The following A2ML1 variants were observed in gnomAD, a reference collection of about 807,000 sequenced individuals.
The protein encoded by A2ML1 is alpha-2-macroglobulin like 1.
A2ML1 carries 161 observed loss-of-function variants against 181.9 expected under a neutral mutation model. The ratio of observed to expected loss-of-function variants is 0.89; its 90% CI spans 0.78 to 1.01. A2ML1 has a LOEUF of 1.01. Among genes scored for constraint, A2ML1 ranks in the 50% least tolerant of loss-of-function variants. The pLI, the probability that A2ML1 is intolerant of heterozygous loss-of-function variation, is 0.00. For synonymous variants in A2ML1, 663 were observed against 666.8 expected (o/e 0.99, Z 0.09); for missense variants, 1,670 against 1,768.1 (o/e 0.94, Z 1.00).
rs1943552986 is a variant in A2ML1 at position 8,843,280 on chromosome 12, C to T, written c.1395C>T (p.Gly465=). 1 of 1,614,166 alleles carries T rather than the reference C, an allele frequency of 6.2e-7. No homozygotes were observed. The change falls in exon 12 of 36, where the codon GGC becomes GGT. Residue 465 remains glycine (G), a synonymous_variant. Coordinates refer to ENST00000299698, the MANE Select transcript of A2ML1 (RefSeq NM_144670.6). Reference sequence around the variant, plus strand: ...GGCTAAACGGCCCCTTGAAATGTGGCCAGCCCCAGGAAGTGCTGGTGGATT... The same window carrying T: ...GGCTAAACGGCCCCTTGAAATGTGGTCAGCCCCAGGAAGTGCTGGTGGATT... ...IHRLNGPLKC[G]QPQEVLVDYY...
At chr12:8,825,739 T>G in intron 3 of A2ML1, among the ~76,000 whole-genome samples, 1 of 81,158 alleles carries the variant, frequency 1.2e-5, no homozygotes, top group South Asian at 2.8e-4. Flanking sequence ...GGTATTAGAT[T>G]TAAATCTTTC....
Position 8,852,463 on chromosome 12 carries a change from C to A in A2ML1, c.2590+127C>A. 1 of 1,387,512 alleles carries A rather than the reference C, an allele frequency of 7.2e-7. No individual in the cohort carries two copies. The highest frequency in any genetic ancestry group is 9.9e-7 in the Non-Finnish European group (1 of 1,014,280). 86.0% of individuals were successfully genotyped at this position (1,387,512 alleles called of 1,614,324 possible). On this transcript the variant is annotated intron_variant, in intron 20 of 35. Transcript: ENST00000299698. The surrounding 1 kb of genome is among the most constrained non-coding windows in gnomAD (Gnocchi z 4.2). ...TCCATTTTCCACTATTTTTCTCCCT[C>A]CTAAGGCTGTTATAAGTCAATACAC...
At chr12:8,836,846 T>C (rs775592345) in intron 7 of A2ML1, among the ~76,000 whole-genome samples, 1 of 152,188 alleles carries the variant, frequency 6.6e-6, no homozygotes, top group Non-Finnish European at 1.5e-5. Flanking sequence ...ATAGTATTAT[T>C]GATTTAGTCT....
chr12:8,823,822 AG>A lies in A2ML1; in HGVS notation c.351del (p.Arg117SerfsTer35). 6.2e-7 allele frequency: 1 copy of A among 1,614,112 alleles called. No individual in the cohort carries two copies. Among genetic ancestry groups the A allele is most frequent in the Non-Finnish European group, 8.5e-7 (1 of 1,180,020 alleles). The part of the protein sequence containing the change: ...FEEKKKVLIQ[R>X]QGNGTFVQTD... ...GGAGAAGAAAAAGGTTCTAATTCAG[AG>A]GCAGGGGAACGGCACCTTTGTACAG... On this transcript the variant is annotated frameshift_variant, in exon 3 of 36. Coordinates refer to ENST00000299698, the MANE Select transcript of A2ML1 (RefSeq NM_144670.6). LOFTEE classifies it high-confidence loss of function.
At chr12:8,845,711 G>C (rs993431389) in intron 13 of A2ML1, among the ~76,000 whole-genome samples, 2 of 151,838 alleles carry the variant, frequency 1.3e-5, no homozygotes, top group Non-Finnish European at 2.9e-5. Flanking sequence ...TTAGCCGGAC[G>C]TCGGGGCGGG....
downstream of A2ML1, among the ~76,000 whole-genome samples, chr12:8,877,670 A>G (rs1944826433): frequency 6.6e-6 from 1 of 152,194 alleles, no homozygotes; most frequent in African/African-American, 2.4e-5. Context: ...GGCTATTATT[A>G]AAGTCAGAAA....
rs757380603 is a variant in A2ML1, at chr12:8,857,523, G to A, written c.3042G>A (p.Leu1014=). 3 of 1,612,086 alleles carry A rather than the reference G, an allele frequency of 1.9e-6. No homozygotes were observed. Among genetic ancestry groups the A allele is most frequent in the Non-Finnish European group, 1.7e-6 (2 of 1,179,328 alleles). The change falls in exon 25 of 36, where the codon CTG becomes CTA. Residue 1014 remains leucine (L), a synonymous_variant. Transcript: ENST00000299698. ...GFLEIGYQKE[L]MYKHSNGSYS... ...GCTTCCCAGGGTACCAGAAGGAGCTGATGTACAAACACAGCAATGGCTCAT... is the reference window on the plus strand; with the variant it reads ...GCTTCCCAGGGTACCAGAAGGAGCTAATGTACAAACACAGCAATGGCTCAT...
chr12:8,831,023 T>G (rs1260508252), intron 4 of A2ML1: 1 of 151,914 alleles, frequency 6.6e-6, no homozygotes, highest in African/African-American at 2.4e-5. Flanking sequence ...CATGGCTCAC[T>G]GCAGCTTTGA....
At chr12:8,882,201 G>A (rs1230088162) in intron 7 of A2ML1, among the ~76,000 whole-genome samples, 1 of 151,966 alleles carries the variant, frequency 6.6e-6, no homozygotes, top group Non-Finnish European at 1.5e-5. Context: ...AATGAGAAGA[G>A]GAGAGACTGA....
chr12:8,841,401 C>T lies in A2ML1; in HGVS notation c.1113C>T (p.Leu371=). The T allele has an allele frequency of 6.2e-7, 1 of 1,614,164 alleles. No homozygotes were observed. Among genetic ancestry groups the T allele is most frequent in the Non-Finnish European group, 8.5e-7 (1 of 1,180,036 alleles). ...TTAGGGGCCATGATGACTCCTTCCT[C>T]AAGAACCATCTAGTGTTTCTGGTGA... ...IRVRGHDDSF[L]KNHLVFLVIY... Residue 371 remains leucine (L), a synonymous_variant, in exon 11 of 36, where the codon CTC becomes CTT. Transcript: ENST00000299698.
intron 15 of A2ML1, 130 bp downstream of exon 15, chr12:8,847,828 G>C (rs956903450): frequency 1.6e-6 from 2 of 1,256,526 alleles, no homozygotes; most frequent in African/African-American, 1.5e-5. Flanking sequence ...AAAAAGGCTG[G>C]TGTGAAAATG....
intron 3 of A2ML1, among the ~76,000 whole-genome samples, chr12:8,825,986 C>T (rs997542761): frequency 6.6e-6 from 1 of 152,166 alleles, no homozygotes; most frequent in Non-Finnish European, 1.5e-5. Context: ...GTTTTGGTTA[C>T]TATAGCTTTG....
At chr12:8,847,191 C>A (rs1273682329) in intron 14 of A2ML1, among the ~76,000 whole-genome samples, 3 of 142,222 alleles carry the variant, frequency 2.1e-5, no homozygotes, top group African/African-American at 5.3e-5. Context: ...TCAGGTCATC[C>A]ACCTGCCTTG....
At chr12:8,841,274 C>T in intron 10 of A2ML1, 95 bp from the exon 11 acceptor site, 2 of 1,187,326 alleles carry the variant, frequency 1.7e-6, no homozygotes, top group Non-Finnish European at 2.4e-6. Context: ...TGCCAAAAAC[C>T]ACAATTAGTT....
intron 35 of A2ML1, 74 bp downstream of exon 35, chr12:8,875,086 A>C: frequency 6.7e-7 from 1 of 1,496,816 alleles, no homozygotes; most frequent in South Asian, 1.1e-5. Flanking sequence ...TTTTCGAGTT[A>C]CTGTCATTGT....
In A2ML1 at chr12:8,836,125, G is replaced by A. The variant is rs1387325450; in HGVS notation, c.644-130G>A. 5.8e-6 allele frequency: 4 copies of A among 686,428 alleles called. No individual in the cohort carries two copies. In the African/African-American group the frequency reaches 7.2e-5, roughly 12 times the overall value. The allele number at this position is 686,428 out of a possible 1,614,324, so 42.5% of individuals were successfully genotyped here. A position where few individuals can be genotyped will look rare whatever the true frequency, so the allele number is the denominator to read the frequency against. ...AACCAGCTAATTACTTCAGGAACAT[G>A]CTACCTAAATAATGCCTCCTTCATT... is the stretch of plus-strand genomic sequence containing the variant. On this transcript the variant is annotated intron_variant, in intron 6 of 35. Transcript: ENST00000299698.
chr12:8,874,351 C>G, intron 33 of A2ML1, 74 bp from the exon 34 acceptor site: 1 of 1,215,912 alleles, frequency 8.2e-7, no homozygotes, highest in Non-Finnish European at 1.2e-6. Context: ...CAGCAAGGGT[C>G]TTTTATTCCA....
At chr12:8,869,982 C>T (rs1209991973) in intron 33 of A2ML1, among the ~76,000 whole-genome samples, 3 of 152,126 alleles carry the variant, frequency 2.0e-5, no homozygotes, top group Non-Finnish European at 4.4e-5. Flanking sequence ...ATTAATCAGA[C>T]ATTGTATGTA....
downstream of A2ML1, among the ~76,000 whole-genome samples, chr12:8,881,539 G>A (rs918430322): frequency 2.0e-5 from 3 of 152,154 alleles, no homozygotes; most frequent in African/African-American, 7.2e-5. Context: ...CCTTCATAAG[G>A]GGAAATTTAT....
Sources: gnomAD v4.1 joint callset for allele counts (sites outside exome capture counted in the v4.1 genomes callset) on GRCh38, gnomAD v4.1.1 for gene constraint, Gnocchi (gnomAD v3.1) non-coding constraint, MANE v1.5 for transcripts, NCBI Gene and HGNC (gene_info 2026-07-23, HGNC 2026-07-21) for gene names.